FGF14: variants seen among roughly 807,000 people sequenced by gnomAD.
FGF14 encodes fibroblast growth factor homologous factor 4.
A neutral mutation model predicts 25.5 loss-of-function variants in FGF14; 5 were observed. The ratio of observed to expected loss-of-function variants is 0.20; its 90% CI spans 0.10 to 0.41. FGF14 has a LOEUF of 0.41. Among genes scored for constraint, FGF14 ranks in the 10% least tolerant of loss-of-function variants. The probability of loss-of-function intolerance (pLI) is 1.00; values close to 1 mark genes in which losing one functional copy is unlikely to be tolerated. For missense variants in FGF14, 222 were observed against 320.1 expected, an observed-to-expected ratio of 0.69 and a Z score of 2.34; for synonymous variants, 138 against 118.3, an observed-to-expected ratio of 1.17 and a Z score of -1.08.
intron 1 of FGF14, among the ~76,000 whole-genome samples, chr13:102,178,223 T>C (rs2048524837): frequency 6.6e-6 from 1 of 152,126 alleles, no homozygotes. Flanking sequence ...AACACCATTA[T>C]GGCTCAGGAG....
chr13:102,054,916 C>T (rs894777320), intron 1 of FGF14, among the ~76,000 whole-genome samples: 1 of 152,216 alleles, frequency 6.6e-6, no homozygotes, highest in Non-Finnish European at 1.5e-5. Context: ...CTCCCGCTTT[C>T]TGTTCCCACA....
intron 1 of FGF14, among the ~76,000 whole-genome samples, chr13:101,902,025 A>G (rs2031627121): frequency 6.6e-6 from 1 of 152,204 alleles, no homozygotes; most frequent in Non-Finnish European, 1.5e-5. Context: ...GCAGATAATG[A>G]TGAAGTTTGA....
chr13:101,838,666 G>A (rs1050637973), intron 3 of FGF14, among the ~76,000 whole-genome samples: 1 of 151,906 alleles, frequency 6.6e-6, no homozygotes, highest in Non-Finnish European at 1.5e-5. Context: ...CAAGTAGACC[G>A]AAAACAAAAT....
chr13:102,392,447 A>G (rs983212128), intron 1 of FGF14, among the ~76,000 whole-genome samples: 1 of 152,198 alleles, frequency 6.6e-6, no homozygotes, highest in Non-Finnish European at 1.5e-5. Flanking sequence ...TCCCAGTCCT[A>G]AGGATTTTCG....
At chr13:102,269,898 G>C (rs2053164386) in intron 1 of FGF14, among the ~76,000 whole-genome samples, 1 of 152,154 alleles carries the variant, frequency 6.6e-6, no homozygotes, top group African/African-American at 2.4e-5. Context: ...GCCTGGTTAA[G>C]ATGGTGTCCA....
chr13:101,947,102 T>G (rs1287778489), intron 1 of FGF14, among the ~76,000 whole-genome samples: 1 of 152,178 alleles, frequency 6.6e-6, no homozygotes, highest in East Asian at 1.9e-4. Flanking sequence ...TCATTATCAC[T>G]ATCAGAGAAA....
At chr13:102,208,151 G>A (rs994746455) in intron 1 of FGF14, among the ~76,000 whole-genome samples, 2 of 152,120 alleles carry the variant, frequency 1.3e-5, no homozygotes, top group African/African-American at 4.8e-5. Flanking sequence ...AAGCAGTGAC[G>A]GTGAGAGATT....
At chr13:102,056,597 C>T (rs971767671) in intron 1 of FGF14, among the ~76,000 whole-genome samples, 5 of 151,970 alleles carry the variant, frequency 3.3e-5, no homozygotes, top group South Asian at 2.1e-4. Flanking sequence ...CACAATACAG[C>T]AAATTATATG....
At chr13:101,791,574 A>T (rs917903141) in intron 3 of FGF14, among the ~76,000 whole-genome samples, 1 of 152,100 alleles carries the variant, frequency 6.6e-6, no homozygotes, top group Non-Finnish European at 1.5e-5. Context: ...ACTTCCTTAC[A>T]AGCAAGGAGA....
chr13:102,148,609 G>A (rs2046951283), intron 1 of FGF14, among the ~76,000 whole-genome samples: 1 of 152,068 alleles, frequency 6.6e-6, no homozygotes, highest in Non-Finnish European at 1.5e-5. Context: ...AGTAGCTCGC[G>A]ACCAGCCTGG....
intron 1 of FGF14, among the ~76,000 whole-genome samples, chr13:102,186,354 T>A (rs942414479): frequency 1.3e-5 from 2 of 152,258 alleles, no homozygotes; most frequent in African/African-American, 4.8e-5. Flanking sequence ...AGGAAAAAGA[T>A]CTCACTGACT....
chr13:102,268,484 C>T (rs1247815804), intron 1 of FGF14, among the ~76,000 whole-genome samples: 3 of 151,774 alleles, frequency 2.0e-5, no homozygotes, highest in Admixed American at 1.3e-4. Context: ...AGTTATAATA[C>T]ATTATATACA....
At chr13:102,010,434 C>T (rs898331307) in intron 1 of FGF14, among the ~76,000 whole-genome samples, 2 of 152,242 alleles carry the variant, frequency 1.3e-5, no homozygotes, top group Admixed American at 1.3e-4. Context: ...GAACTAATAA[C>T]ACAACTAATC....
At chr13:102,172,607 T>C (rs2048295719) in intron 1 of FGF14, among the ~76,000 whole-genome samples, 1 of 152,106 alleles carries the variant, frequency 6.6e-6, no homozygotes, top group Non-Finnish European at 1.5e-5. Context: ...TTACCTCATC[T>C]CTTAAGAATG....
At chr13:102,146,779 A>T (rs879718978) in intron 1 of FGF14, among the ~76,000 whole-genome samples, 1 of 152,210 alleles carries the variant, frequency 6.6e-6, no homozygotes, top group Non-Finnish European at 1.5e-5. Flanking sequence ...AACGATAAAA[A>T]TATACATTTT....
intron 1 of FGF14, among the ~76,000 whole-genome samples, chr13:102,085,466 T>C (rs1169369252): frequency 6.6e-6 from 1 of 152,250 alleles, no homozygotes; most frequent in Non-Finnish European, 1.5e-5. Flanking sequence ...TTATTGTCCC[T>C]GTTATAAACA....
At chr13:102,262,292 G>A (rs926236123) in intron 1 of FGF14, among the ~76,000 whole-genome samples, 5 of 151,988 alleles carry the variant, frequency 3.3e-5, no homozygotes, top group African/African-American at 9.7e-5. Flanking sequence ...AGAAGTAAAC[G>A]TTTGCTATCT....
chr13:101,978,091 T>C (rs2038035541), intron 1 of FGF14, among the ~76,000 whole-genome samples: 2 of 152,242 alleles, frequency 1.3e-5, no homozygotes, highest in African/African-American at 4.8e-5. Flanking sequence ...TCCACTCATA[T>C]ATCTTCCAAA....
intron 1 of FGF14, among the ~76,000 whole-genome samples, chr13:102,181,257 A>G (rs963974082): frequency 6.6e-6 from 1 of 152,186 alleles, no homozygotes; most frequent in African/African-American, 2.4e-5. Context: ...GAAGACGTCC[A>G]TGCCCGAATC....
Sources: gnomAD v4.1 joint callset for allele counts (sites outside exome capture counted in the v4.1 genomes callset) on GRCh38, gnomAD v4.1.1 for gene constraint, MANE v1.5 for transcripts, NCBI Gene and HGNC (gene_info 2026-07-23, HGNC 2026-07-21) for gene names.